RNASEH2B: variants seen among roughly 807,000 people sequenced by gnomAD.
The protein encoded by RNASEH2B is Aicardi-Goutieres syndrome 2 protein.
A neutral mutation model predicts 45.0 loss-of-function variants in RNASEH2B; 36 were observed. The ratio of observed to expected loss-of-function variants is 0.80; its 90% CI spans 0.61 to 1.06. The LOEUF is 1.06. Ranked by LOEUF, RNASEH2B falls within the 50% of genes least tolerant of loss-of-function variation. The pLI, the probability that RNASEH2B is intolerant of heterozygous loss-of-function variation, is 0.00. For missense variants in RNASEH2B, 361 were observed against 360.3 expected, an observed-to-expected ratio of 1.00 and a Z score of -0.02; for synonymous variants, 119 against 125.7, an observed-to-expected ratio of 0.95 and a Z score of 0.35.
chr13:50,932,156 G>A (rs73186374), intron 4 of RNASEH2B, among the ~76,000 whole-genome samples: 10,257 of 152,196 alleles, frequency 0.067, 355 homozygotes, highest in Middle Eastern at 0.2. Context: ...GGCTCACTTC[G>A]TTCATATTCT....
intron 4 of RNASEH2B, chr13:50,930,971 C>G: frequency 1.8e-6 from 1 of 567,040 alleles, no homozygotes; most frequent in Non-Finnish European, 3.2e-6. Flanking sequence ...TCCAGTCTGA[C>G]CCTGGCTTGC....
At chr13:50,956,235 A>T (rs1952045978) in intron 10 of RNASEH2B, 123 bp from the exon 11 acceptor site, 2 of 760,954 alleles carry the variant, frequency 2.6e-6, no homozygotes, top group Non-Finnish European at 4.4e-6. Flanking sequence ...CTTATGAAGC[A>T]TGTTAGTGGG....
At chr13:50,954,551 G>A (rs1952021086) in intron 10 of RNASEH2B, 1 of 153,636 alleles carries the variant, frequency 6.5e-6, no homozygotes, top group Non-Finnish European at 1.4e-5. Flanking sequence ...TTCAGTCATG[G>A]GTGTTTGTTT....
At chr13:50,925,153 T>C (rs1476716797) in intron 1 of RNASEH2B, among the ~76,000 whole-genome samples, 1 of 152,216 alleles carries the variant, frequency 6.6e-6, no homozygotes, top group Non-Finnish European at 1.5e-5. Context: ...TCATTAATCT[T>C]TTCTTCAGCT....
intron 5 of RNASEH2B, among the ~76,000 whole-genome samples, chr13:50,940,390 C>T (rs1209087384): frequency 2.0e-5 from 3 of 152,276 alleles, no homozygotes; most frequent in African/African-American, 4.8e-5. Context: ...ATGAACATTG[C>T]GTGAACACCT....
intron 3 of RNASEH2B, chr13:50,930,274 G>A: frequency 3.3e-6 from 1 of 306,378 alleles, no homozygotes; most frequent in Admixed American, 4.8e-5. Context: ...CAAAAGCACA[G>A]GAAATTACAT....
At chr13:50,930,303 A>G (rs1327059100) in intron 3 of RNASEH2B, 2 of 328,200 alleles carry the variant, frequency 6.1e-6, no homozygotes, top group African/African-American at 4.3e-5. Flanking sequence ...AGCTTTATAG[A>G]TAGACTGACG....
chr13:50,938,296 AT>A (rs1305937217), intron 5 of RNASEH2B: 1 of 152,184 alleles, frequency 6.6e-6, no homozygotes, highest in Non-Finnish European at 1.5e-5. Flanking sequence ...GAAATAGGCC[AT>A]GTTTGTGGAT....
At chr13:50,963,373 A>G (rs1952131195) in intron 9 of RNASEH2B, among the ~76,000 whole-genome samples, 1 of 152,084 alleles carries the variant, frequency 6.6e-6, no homozygotes, top group Non-Finnish European at 1.5e-5. Context: ...CATGTTGGTC[A>G]GGCTGGTCTT....
At chr13:50,932,967 C>G (rs1951700425) in intron 4 of RNASEH2B, among the ~76,000 whole-genome samples, 1 of 152,152 alleles carries the variant, frequency 6.6e-6, no homozygotes, top group South Asian at 2.1e-4. Flanking sequence ...AAGTTTTATC[C>G]CTTCGTTTAA....
intron 2 of RNASEH2B, among the ~76,000 whole-genome samples, chr13:50,928,148 T>C (rs1951625769): frequency 6.6e-6 from 1 of 152,186 alleles, no homozygotes; most frequent in Non-Finnish European, 1.5e-5. Flanking sequence ...GTAATATGGG[T>C]GATAGTGTTT....
At chr13:50,966,131 T>G (rs1840666684) in intron 9 of RNASEH2B, among the ~76,000 whole-genome samples, 1 of 152,188 alleles carries the variant, frequency 6.6e-6, no homozygotes, top group African/African-American at 2.4e-5. Flanking sequence ...GGGAATAATA[T>G]TAGGAATAAA....
At chr13:50,924,592 T>G (rs1367724435) in intron 1 of RNASEH2B, among the ~76,000 whole-genome samples, 1 of 152,148 alleles carries the variant, frequency 6.6e-6, no homozygotes, top group East Asian at 1.9e-4. Context: ...AGAGTCTCAG[T>G]CTGTCACCCA....
intron 1 of RNASEH2B, 73 bp downstream of exon 1, chr13:50,910,213 C>T (rs1879277468): frequency 4.4e-6 from 5 of 1,137,286 alleles, no homozygotes; most frequent in Admixed American, 8.3e-5. Flanking sequence ...GGGCGCGCCG[C>T]CCCCCACCCC....
downstream of RNASEH2B, chr13:50,956,811 A>G (rs975150214): frequency 4.6e-6 from 4 of 871,206 alleles, no homozygotes; most frequent in African/African-American, 7.2e-5. Context: ...CAGTAGGTTT[A>G]GTAATAATAT....
chr13:50,917,832 C>T (rs1879827581), intron 1 of RNASEH2B, among the ~76,000 whole-genome samples: 1 of 152,144 alleles, frequency 6.6e-6, no homozygotes, highest in Non-Finnish European at 1.5e-5. Flanking sequence ...GACTAGGGAC[C>T]AGACATACCT....
intron 1 of RNASEH2B, chr13:50,911,941 TATTAAACACAAA>T (rs1879425756): frequency 6.6e-6 from 1 of 152,242 alleles, no homozygotes; most frequent in Non-Finnish European, 1.5e-5. Context: ...TGTGTCCTTG[TATTAAACACAAA>T]ACCCTCAAAA....
chr13:50,934,978 C>T lies in RNASEH2B; in HGVS notation c.415C>T (p.His139Tyr), dbSNP rs1419943832. The change falls in exon 5 of 11, where the codon CAT becomes TAT. Residue 139 changes from histidine to tyrosine, a missense_variant. Physicochemically the swap from His to Tyr is moderately conservative, Grantham distance 83. Coordinates refer to ENST00000336617, the MANE Select transcript of RNASEH2B (RefSeq NM_024570.4). Reference protein sequence around the residue: ...LKLPGLEKLLHHVTEEKGNPE... With the variant: ...LKLPGLEKLLYHVTEEKGNPE... ...ACTTCCTGGACTTGAGAAGTTACTTCATCATGTGACAGAGGAAAAAGGTAT... is the reference window on the plus strand; with the variant it reads ...ACTTCCTGGACTTGAGAAGTTACTTTATCATGTGACAGAGGAAAAAGGTAT... 6.2e-7 allele frequency: 1 copy of T among 1,611,734 alleles called. No homozygotes were observed. The highest frequency in any genetic ancestry group is 1.3e-5 in the African/African-American group (1 of 74,848).
chr13:50,958,583 TG>T (rs1952079484), downstream of RNASEH2B, among the ~76,000 whole-genome samples: 1 of 152,170 alleles, frequency 6.6e-6, no homozygotes, highest in Admixed American at 6.5e-5. Context: ...AGCTTTTTTT[TG>T]GTTCCATATG....
Sources: gnomAD v4.1 joint callset for allele counts (sites outside exome capture counted in the v4.1 genomes callset) on GRCh38, gnomAD v4.1.1 for gene constraint, MANE v1.5 for transcripts, NCBI Gene and HGNC (gene_info 2026-07-23, HGNC 2026-07-21) for gene names.